Variants in MSRA observed in about 807,000 individuals in gnomAD.
The protein encoded by MSRA is mitochondrial peptide methionine sulfoxide reductase.
Under a neutral mutation model 31.3 loss-of-function variants are expected in MSRA, and 54 were observed. The ratio of observed to expected loss-of-function variants is 1.73; its 90% CI spans 1.39 to 2.17. The LOEUF is 2.17. MSRA is among the 30% of genes most tolerant of loss of function. MSRA has a pLI of 0.00. For synonymous variants in MSRA, 169 were observed against 116.5 expected (o/e 1.45, Z -2.90); for missense variants, 507 against 300.9 (o/e 1.69, Z -5.07).
chr8:10,330,006 ATGTGTGTGTGTGTG>A (rs72198519), intron 5 of MSRA, among the ~76,000 whole-genome samples: 6 of 135,478 alleles, frequency 4.4e-5, no homozygotes, highest in East Asian at 2.3e-4. Context: ...AGAGAAAAAA[ATGTGTGTGTGTGTG>A]TGTGTGTGTG....
chr8:10,128,398 T>A (rs12545775), intron 1 of MSRA, among the ~76,000 whole-genome samples: 3 of 151,862 alleles, frequency 2.0e-5, no homozygotes, highest in Non-Finnish European at 4.4e-5. Flanking sequence ...AAAAAAATTC[T>A]GTCTAAATTC....
rs551673730 is a variant in MSRA, at chr8:10,247,358, G to C, written c.331+2135G>C. 3.9e-5 allele frequency among the ~76,000 whole-genome samples: 6 copies of C among 152,244 alleles called. No homozygotes were observed. In the South Asian group the frequency reaches 1.2e-3, roughly 32 times the overall value. On this transcript the variant is annotated intron_variant, in intron 3 of 5. Transcript: ENST00000317173. ...GTCTATGCCATTGACCATGGTGTAA[G>C]TCTCCCAGCTGTCATCATATCCCAG...
chr8:10,392,901 A>C lies in MSRA; in HGVS notation c.544-35247A>C, dbSNP rs868346609. ...CTCTACTAAAAATGCAAAAAAAAAA[A>C]AAAAAAAAAAATTAGCCGGCAGTAA... On this transcript the variant is annotated intron_variant, in intron 5 of 5. Transcript: ENST00000317173. Among the ~76,000 whole-genome samples the C allele has an allele frequency of 1.7e-3, 254 of 149,670 alleles. 3 individuals carry two copies. The highest frequency in any genetic ancestry group is 0.01 in the Middle Eastern group (3 of 290).
At chr8:10,127,568 A>G (rs1321511747) in intron 1 of MSRA, among the ~76,000 whole-genome samples, 1 of 152,210 alleles carries the variant, frequency 6.6e-6, no homozygotes, top group African/African-American at 2.4e-5. Context: ...CTCAGATGAA[A>G]TGAGTGGAGG....
chr8:10,148,601 C>G (rs979369041), intron 1 of MSRA, among the ~76,000 whole-genome samples: 1 of 151,086 alleles, frequency 6.6e-6, no homozygotes, highest in African/African-American at 2.4e-5. Flanking sequence ...GAACTGAGAT[C>G]GCACCATTGC....
At chr8:10,304,124 C>T (rs4240643) in intron 4 of MSRA, among the ~76,000 whole-genome samples, 148,284 of 152,228 alleles carry the variant, frequency 0.97, 72,334 homozygotes, top group Middle Eastern at 1. Flanking sequence ...TATAATAGAG[C>T]TGGGGTTTCA....
chr8:10,325,105 T>C (rs989130867), intron 5 of MSRA, among the ~76,000 whole-genome samples: 11 of 152,146 alleles, frequency 7.2e-5, no homozygotes, highest in African/African-American at 2.7e-4. Context: ...GATGCATTAG[T>C]GTCCTCTGGG....
At chr8:10,056,436 G>A (rs527742646) in intron 1 of MSRA, among the ~76,000 whole-genome samples, 2 of 151,890 alleles carry the variant, frequency 1.3e-5, no homozygotes, top group East Asian at 3.9e-4. Context: ...AAAACCTCAG[G>A]ACCTGGTTCT....
At chr8:10,376,280 C>T (rs181534872) in intron 5 of MSRA, among the ~76,000 whole-genome samples, 219 of 152,336 alleles carry the variant, frequency 1.4e-3, no homozygotes, top group Non-Finnish European at 2.3e-3. Flanking sequence ...CTTCTCCTAT[C>T]CCTGGCTTCT....
At chr8:10,209,803 A>G (rs1809317079) in intron 2 of MSRA, among the ~76,000 whole-genome samples, 1 of 152,224 alleles carries the variant, frequency 6.6e-6, no homozygotes, top group African/African-American at 2.4e-5. Flanking sequence ...CCCACTGTGC[A>G]TGGCCAGCAT....
At chr8:10,395,058 C>T (rs1205832373) in intron 5 of MSRA, among the ~76,000 whole-genome samples, 1 of 152,180 alleles carries the variant, frequency 6.6e-6, no homozygotes, top group Non-Finnish European at 1.5e-5. Flanking sequence ...GTGGCAGAAG[C>T]CAACACACAC....
At chr8:10,332,907 G>T (rs184039699) in intron 5 of MSRA, among the ~76,000 whole-genome samples, 1 of 152,248 alleles carries the variant, frequency 6.6e-6, no homozygotes, top group South Asian at 2.1e-4. Flanking sequence ...TCTGCTGGCT[G>T]TAGGCCTTTG....
At chr8:10,248,962 G>T (rs1797773795) in intron 3 of MSRA, among the ~76,000 whole-genome samples, 1 of 152,188 alleles carries the variant, frequency 6.6e-6, no homozygotes, top group African/African-American at 2.4e-5. Context: ...TTCTGTGTCT[G>T]TAGGATTTCA....
chr8:10,333,976 C>G (rs555514489), intron 5 of MSRA, among the ~76,000 whole-genome samples: 1 of 152,246 alleles, frequency 6.6e-6, no homozygotes, highest in South Asian at 2.1e-4. Context: ...GAGAATTTCA[C>G]CTATCAGATT....
At chr8:10,193,286 A>G (rs1430962139) in intron 1 of MSRA, among the ~76,000 whole-genome samples, 1 of 152,290 alleles carries the variant, frequency 6.6e-6, no homozygotes, top group African/African-American at 2.4e-5. Context: ...CATTCAGCGC[A>G]TGGCTTTATG....
intron 2 of MSRA, among the ~76,000 whole-genome samples, chr8:10,216,904 C>A (rs115061007): frequency 6.6e-6 from 1 of 152,192 alleles, no homozygotes; most frequent in Non-Finnish European, 1.5e-5. Context: ...GCTTTCCATT[C>A]TTTTGGGTGT....
chr8:10,346,605 A>G (rs1490276629), intron 5 of MSRA, among the ~76,000 whole-genome samples: 2 of 152,256 alleles, frequency 1.3e-5, no homozygotes, highest in East Asian at 1.9e-4. Context: ...AGAAAGCTCC[A>G]GAGTGGAAAA....
intron 5 of MSRA, among the ~76,000 whole-genome samples, chr8:10,340,724 T>C (rs1272533736): frequency 1.3e-5 from 2 of 152,212 alleles, no homozygotes; most frequent in African/African-American, 2.4e-5. Context: ...TGGCATGTTT[T>C]GATTCAATTC....
At chr8:10,214,007 C>T (rs558910372) in intron 2 of MSRA, among the ~76,000 whole-genome samples, 2 of 152,206 alleles carry the variant, frequency 1.3e-5, no homozygotes, top group South Asian at 2.1e-4. Context: ...TTTGGGTTGT[C>T]GTGAGTTTTT....
Sources: gnomAD v4.1 joint callset for allele counts (sites outside exome capture counted in the v4.1 genomes callset) on GRCh38, gnomAD v4.1.1 for gene constraint, MANE v1.5 for transcripts, NCBI Gene and HGNC (gene_info 2026-07-23, HGNC 2026-07-21) for gene names.